The following FAM53A variants were observed in gnomAD, a reference collection of about 807,000 sequenced individuals.
FAM53A encodes the protein family with sequence similarity 53 member A.
FAM53A carries 28 observed loss-of-function variants against 26.6 expected under a neutral mutation model. That is an observed-to-expected ratio of 1.05 (90% CI 0.78 to 1.45). FAM53A has a LOEUF of 1.45. FAM53A is among the 40% of genes most tolerant of loss of function. FAM53A has a pLI of 0.00. For missense variants in FAM53A, 650 were observed against 575.8 expected, an observed-to-expected ratio of 1.13 and a Z score of -1.32; for synonymous variants, 290 against 253.1, an observed-to-expected ratio of 1.15 and a Z score of -1.38.
intron 1 of FAM53A, among the ~76,000 whole-genome samples, chr4:1,669,486 G>A (rs145940198): frequency 1.3e-3 from 197 of 152,330 alleles, no homozygotes; most frequent in African/African-American, 4.4e-3. Flanking sequence ...GGGCAGATCC[G>A]TCTGTACTGC....
chr4:1,631,530 T>G (rs1311302547), intron 1 of FAM53A, among the ~76,000 whole-genome samples: 1 of 152,000 alleles, frequency 6.6e-6, no homozygotes, highest in Admixed American at 6.6e-5. Flanking sequence ...CACACAGCAG[T>G]CCCAGGGAAA....
intron 1 of FAM53A, among the ~76,000 whole-genome samples, chr4:1,682,013 C>T (rs1715474303): frequency 6.6e-6 from 1 of 152,102 alleles, no homozygotes; most frequent in Admixed American, 6.6e-5. Context: ...AGGAACTTCA[C>T]CTGGACAAGT....
the FAM53A span, chr4:1,580,039 A>G: frequency 9.8e-5 from 15 of 152,386 alleles, no homozygotes; most frequent in African/African-American, 3.6e-4. Context: ...GATGATGTTT[A>G]GAGCCCCGAG....
intron 1 of FAM53A, among the ~76,000 whole-genome samples, chr4:1,627,883 G>C (rs1466221047): frequency 6.6e-6 from 1 of 151,734 alleles, no homozygotes; most frequent in African/African-American, 2.4e-5. Context: ...AAGTGACTCT[G>C]GGAGAGACAG....
At chr4:1,607,162 G>C in the FAM53A span, among the ~76,000 whole-genome samples, 539 of 152,268 alleles carry the variant, frequency 3.5e-3, 7 homozygotes, top group African/African-American at 0.012. Flanking sequence ...GGGATTACAG[G>C]CATGCGCCAC....
At chr4:1,670,295 C>T (rs760034720) in intron 1 of FAM53A, among the ~76,000 whole-genome samples, 4 of 152,282 alleles carry the variant, frequency 2.6e-5, no homozygotes, top group Non-Finnish European at 4.4e-5. Context: ...AACCAACATG[C>T]ACTTCCCTAG....
At chr4:1,682,605 C>A (rs1174107916) in intron 1 of FAM53A, among the ~76,000 whole-genome samples, 5 of 152,056 alleles carry the variant, frequency 3.3e-5, no homozygotes, top group Admixed American at 2.6e-4. Flanking sequence ...TCCCAATGCA[C>A]CGGTGAAAAA....
At chr4:1,595,593 A>G in the FAM53A span, among the ~76,000 whole-genome samples, 33 of 152,194 alleles carry the variant, frequency 2.2e-4, no homozygotes, top group Admixed American at 1.6e-3. Context: ...AGACAAAAAA[A>G]CAGCACCAAG....
At chr4:1,642,258 G>C (rs1016956866) in intron 4 of FAM53A, among the ~76,000 whole-genome samples, 1 of 152,144 alleles carries the variant, frequency 6.6e-6, no homozygotes, top group Non-Finnish European at 1.5e-5. Context: ...AAATACGTGC[G>C]ACAAACAGGT....
At chr4:1,604,026 C>T in the FAM53A span, among the ~76,000 whole-genome samples, 6 of 152,222 alleles carry the variant, frequency 3.9e-5, no homozygotes, top group East Asian at 1.9e-4. Context: ...AAGCCCTGCC[C>T]GGCTGCCCTC....
the FAM53A span, among the ~76,000 whole-genome samples, chr4:1,586,796 AAAG>A: frequency 1.1e-4 from 16 of 151,150 alleles, 1 homozygote; most frequent in South Asian, 2.1e-4. Flanking sequence ...AAAAAAAAAA[AAAG>A]AAGAAGAAGT....
chr4:1,643,647 G>A (rs1248333174), intron 4 of FAM53A, among the ~76,000 whole-genome samples: 1 of 149,486 alleles, frequency 6.7e-6, no homozygotes, highest in Non-Finnish European at 1.5e-5. Context: ...GCTCACTGCA[G>A]CCTCGACCTC....
At chr4:1,627,381 C>G (rs1715353888) in intron 1 of FAM53A, among the ~76,000 whole-genome samples, 1 of 152,224 alleles carries the variant, frequency 6.6e-6, no homozygotes, top group South Asian at 2.1e-4. Context: ...GAACTGCCGA[C>G]TGACGGATAC....
At chr4:1,647,770 T>C (rs1712378882) in intron 4 of FAM53A, among the ~76,000 whole-genome samples, 1 of 151,744 alleles carries the variant, frequency 6.6e-6, no homozygotes, top group Admixed American at 6.6e-5. Flanking sequence ...CACATAAGCG[T>C]GGGGGTGAGT....
intron 1 of FAM53A, among the ~76,000 whole-genome samples, chr4:1,625,759 CCA>C: frequency 7.8e-6 from 1 of 128,890 alleles, no homozygotes; most frequent in African/African-American, 3.0e-5. Context: ...ACGTCCCGGC[CCA>C]CATGGTCAGG....
At chr4:1,613,012 C>T (rs1316096316), downstream of FAM53A, among the ~76,000 whole-genome samples, 3 of 152,208 alleles carry the variant, frequency 2.0e-5, no homozygotes, top group African/African-American at 4.8e-5. Context: ...CACACTGGCA[C>T]GGCCTCCCAG....
chr4:1,596,598 C>T, the FAM53A span, among the ~76,000 whole-genome samples: 1 of 152,198 alleles, frequency 6.6e-6, no homozygotes, highest in Non-Finnish European at 1.5e-5. Flanking sequence ...CAGGCATGCC[C>T]TCTACAGGGA....
intron 1 of FAM53A, among the ~76,000 whole-genome samples, chr4:1,624,289 G>A (rs755914647): frequency 3.7e-4 from 57 of 152,214 alleles, no homozygotes; most frequent in Admixed American, 1.8e-3. Context: ...GGGGCTGGAC[G>A]CAGGGCTCAC....
chr4:1,649,190 G>T (rs1460940697), intron 4 of FAM53A, among the ~76,000 whole-genome samples: 3 of 148,590 alleles, frequency 2.0e-5, no homozygotes, highest in African/African-American at 7.5e-5. Context: ...AAGGGGAAGG[G>T]GAAGGGGAAA....
Sources: gnomAD v4.1 joint callset for allele counts (sites outside exome capture counted in the v4.1 genomes callset) on GRCh38, gnomAD v4.1.1 for gene constraint, MANE v1.5 for transcripts, NCBI Gene and HGNC (gene_info 2026-07-23, HGNC 2026-07-21) for gene names.